The following ZNF385B variants were observed in gnomAD, a reference collection of about 807,000 sequenced individuals.
ZNF385B encodes zinc finger protein 533.
A neutral mutation model predicts 39.2 loss-of-function variants in ZNF385B; 23 were observed. That is an observed-to-expected ratio of 0.59 (90% CI 0.42 to 0.83). The LOEUF (loss-of-function observed/expected upper bound fraction) is 0.83. Among genes scored for constraint, ZNF385B ranks in the 40% least tolerant of loss-of-function variants. The pLI, the probability that ZNF385B is intolerant of heterozygous loss-of-function variation, is 0.00. For missense variants in ZNF385B, 552 were observed against 598.9 expected (o/e 0.92, Z 0.82); for synonymous variants, 205 against 222.6 (o/e 0.92, Z 0.70).
At chr2:179,850,559 T>C (rs1398597186) in intron 1 of ZNF385B, among the ~76,000 whole-genome samples, 2 of 152,186 alleles carry the variant, frequency 1.3e-5, no homozygotes, top group African/African-American at 4.8e-5. Flanking sequence ...TGCAGGCAAC[T>C]ACCATGTCTG....
At position 179,464,735 on chromosome 2, in the gene ZNF385B, G is replaced by T. The variant is rs192091941; in HGVS notation, c.716-17965C>A. On this transcript the variant is annotated intron_variant, in intron 6 of 9. Coordinates refer to ENST00000410066, the MANE Select transcript of ZNF385B (RefSeq NM_152520.6). ...TCTGTTTTGGTACCAGTACCATGCC[G>T]TTTTGGTTACTGTAGCCTTGTAGTA... Among the ~76,000 whole-genome samples the T allele has an allele frequency of 4.2e-4, 64 of 152,242 alleles. No individual in the cohort carries two copies. The South Asian group carries it at 0.013, about 31-fold the overall frequency.
chr2:179,526,293 A>T (rs2058891215), intron 4 of ZNF385B, among the ~76,000 whole-genome samples: 1 of 152,040 alleles, frequency 6.6e-6, no homozygotes, highest in African/African-American at 2.4e-5. Flanking sequence ...AAGGCTCATT[A>T]AAAATACACC....
At chr2:179,444,770 T>G in intron 9 of ZNF385B, 106 bp downstream of exon 9, 1 of 958,910 alleles carries the variant, frequency 1.0e-6, no homozygotes, top group Non-Finnish European at 1.7e-6. Flanking sequence ...CTATTTAAAT[T>G]TGAAACCTTT....
intron 8 of ZNF385B, 92 bp downstream of exon 8, chr2:179,445,458 G>C: frequency 7.7e-7 from 1 of 1,291,160 alleles, no homozygotes; most frequent in African/African-American, 1.5e-5. Flanking sequence ...CAACTTAACT[G>C]TGAGCACAGT....
chr2:179,535,622 TA>T (rs2059514860), intron 4 of ZNF385B, among the ~76,000 whole-genome samples: 1 of 152,222 alleles, frequency 6.6e-6, no homozygotes, highest in Non-Finnish European at 1.5e-5. Context: ...TGAAATATGC[TA>T]AATCCCTCTG....
At chr2:179,840,476 A>G (rs1708483500) in intron 1 of ZNF385B, among the ~76,000 whole-genome samples, 1 of 152,196 alleles carries the variant, frequency 6.6e-6, no homozygotes, top group South Asian at 2.1e-4. Flanking sequence ...GTGGAGCTGA[A>G]ATTAGAAAAG....
At chr2:179,508,948 CTT>C (rs370767751) in intron 5 of ZNF385B, among the ~76,000 whole-genome samples, 11 of 138,724 alleles carry the variant, frequency 7.9e-5, no homozygotes, top group East Asian at 2.1e-4. Flanking sequence ...ATCATAATCA[CTT>C]TTTTTTTTTT....
At chr2:179,493,755 A>ATATATGTATACATATATGTCTATG (rs752287923) in intron 5 of ZNF385B, among the ~76,000 whole-genome samples, 1 of 112,714 alleles carries the variant, frequency 8.9e-6, no homozygotes, top group African/African-American at 3.3e-5. Flanking sequence ...ATGTGTATAT[A>ATATATGTATACATATATGTCTATG]CATATATGTA....
chr2:179,475,228 T>C (rs1184475878), intron 6 of ZNF385B, among the ~76,000 whole-genome samples: 1 of 151,742 alleles, frequency 6.6e-6, no homozygotes. Context: ...ACACAGATTA[T>C]AGACCATTTC....
chr2:179,848,834 A>AGC (rs1032920311), intron 1 of ZNF385B, among the ~76,000 whole-genome samples: 15 of 152,210 alleles, frequency 9.9e-5, no homozygotes, highest in Admixed American at 5.9e-4. Context: ...ATGCCAAGGA[A>AGC]GCTTCTTCAG....
rs2049396843 is a variant in ZNF385B, at chr2:179,445,651, A to G, written c.1039T>C (p.Leu347=). The change falls in exon 8 of 10, where the codon TTA becomes CTA. Residue 347 remains leucine, a synonymous_variant. Transcript: ENST00000410066. ...CCCTTACTGCCATTCTGCATCTTTA[A>G]TCTTGATCCAGGTCTAGGATAGGAT... The part of the protein sequence containing the change: ...IKSYPRPGSR[L]KMQNGSKGSG... 3 of 1,613,936 alleles carry G rather than the reference A, an allele frequency of 1.9e-6. No individual in the cohort carries two copies. The highest frequency in any genetic ancestry group is 2.2e-5 in the East Asian group (1 of 44,876).
At chr2:179,658,216 T>A (rs1187993980) in intron 3 of ZNF385B, among the ~76,000 whole-genome samples, 1 of 152,184 alleles carries the variant, frequency 6.6e-6, no homozygotes, top group African/African-American at 2.4e-5. Context: ...AACAAAATGG[T>A]GAACACTTCA....
At chr2:179,734,916 A>G (rs1305243141) in intron 3 of ZNF385B, among the ~76,000 whole-genome samples, 1 of 152,120 alleles carries the variant, frequency 6.6e-6, no homozygotes, top group Non-Finnish European at 1.5e-5. Flanking sequence ...CAGACCTAAA[A>G]CCATAAAAAC....
rs1708617123 is a variant in ZNF385B at position 179,842,987 on chromosome 2, C to T, written c.-155+18114G>A. Among the ~76,000 whole-genome samples, 3 of 152,116 alleles carry T rather than the reference C, an allele frequency of 2.0e-5. No homozygotes were observed. The South Asian group carries it at 6.2e-4, about 32-fold the overall frequency. On this transcript the variant is annotated intron_variant, in intron 1 of 9. Transcript: ENST00000410066. ...TGCCAAAGCTAGGGATATACAGCTT[C>T]CCTAGGTGTCACCGCCCCCACCCCA...
chr2:179,593,567 C>T (rs1023784595), intron 3 of ZNF385B, among the ~76,000 whole-genome samples: 1 of 152,088 alleles, frequency 6.6e-6, no homozygotes, highest in African/African-American at 2.4e-5. Flanking sequence ...TGCTTTAAAA[C>T]ACTCCCAAAA....
chr2:179,633,294 A>AT (rs1172312505), intron 3 of ZNF385B, among the ~76,000 whole-genome samples: 1 of 152,224 alleles, frequency 6.6e-6, no homozygotes, highest in East Asian at 1.9e-4. Context: ...TGTCGATGCA[A>AT]AAATCCTCAA....
chr2:179,636,773 ACTTTGACT>A (rs1466427405), intron 3 of ZNF385B, among the ~76,000 whole-genome samples: 1 of 152,114 alleles, frequency 6.6e-6, no homozygotes, highest in African/African-American at 2.4e-5. Flanking sequence ...TTAATATTTA[ACTTTGACT>A]CTTTGACTGC....
chr2:179,653,411 C>T (rs1693401902), intron 3 of ZNF385B, among the ~76,000 whole-genome samples: 1 of 152,180 alleles, frequency 6.6e-6, no homozygotes, highest in African/African-American at 2.4e-5. Flanking sequence ...TCTATACAGC[C>T]TCCAGTTTCA....
At chr2:179,537,285 T>C (rs1176086487) in intron 4 of ZNF385B, among the ~76,000 whole-genome samples, 1 of 125,466 alleles carries the variant, frequency 8.0e-6, no homozygotes, top group Non-Finnish European at 1.6e-5. Context: ...CTGGGCAACA[T>C]GAGCAAAACC....
Sources: gnomAD v4.1 joint callset for allele counts (sites outside exome capture counted in the v4.1 genomes callset) on GRCh38, gnomAD v4.1.1 for gene constraint, MANE v1.5 for transcripts, NCBI Gene and HGNC (gene_info 2026-07-23, HGNC 2026-07-21) for gene names.